The following FRMD3 variants were observed in gnomAD, a reference collection of about 807,000 sequenced individuals.
FRMD3 encodes the protein FERM domain-containing protein 3.
In FRMD3, 33 loss-of-function variants were observed where a neutral mutation model predicts 70.2. The observed-to-expected ratio is 0.47, with a 90% CI of 0.36 to 0.63. The LOEUF (loss-of-function observed/expected upper bound fraction) is 0.63, where lower values mean the gene tolerates loss of function less well. Among genes scored for constraint, FRMD3 ranks in the 20% least tolerant of loss-of-function variants. FRMD3 has a pLI of 0.00. For missense variants in FRMD3, 632 were observed against 711.4 expected, an observed-to-expected ratio of 0.89 and a Z score of 1.27; for synonymous variants, 279 against 255.9, an observed-to-expected ratio of 1.09 and a Z score of -0.86.
At chr9:83,439,020 G>A (rs139089231) in intron 1 of FRMD3, among the ~76,000 whole-genome samples, 2 of 152,314 alleles carry the variant, frequency 1.3e-5, no homozygotes, top group East Asian at 1.9e-4. Flanking sequence ...CCCATGTGAA[G>A]TTCCTTTAAA....
intron 1 of FRMD3, among the ~76,000 whole-genome samples, chr9:83,438,047 C>G (rs1827186987): frequency 6.6e-6 from 1 of 152,258 alleles, no homozygotes; most frequent in South Asian, 2.1e-4. Context: ...TATAAGCAGA[C>G]TCCCAGGGAG....
chr9:83,532,777 T>C (rs1430581441), intron 1 of FRMD3, among the ~76,000 whole-genome samples: 2 of 150,498 alleles, frequency 1.3e-5, no homozygotes, highest in African/African-American at 4.9e-5. Flanking sequence ...GCCAATGGAA[T>C]CTGATGGGAA....
At chr9:83,372,793 C>T in intron 3 of FRMD3, 120 bp downstream of exon 3, 1 of 889,268 alleles carries the variant, frequency 1.1e-6, no homozygotes, top group Non-Finnish European at 1.8e-6. Flanking sequence ...GAGAGAAGCC[C>T]CCACACCCCC....
chr9:83,247,578 A>G lies in FRMD3; in HGVS notation c.*340T>C, dbSNP rs1320045762. The G allele has an allele frequency of 9.7e-7, 1 of 1,025,880 alleles. No individual in the cohort carries two copies. Among genetic ancestry groups the G allele is most frequent in the Non-Finnish European group, 1.2e-6 (1 of 854,318 alleles). 63.5% of individuals were successfully genotyped at this position (1,025,880 alleles called of 1,614,324 possible). ...ATTCTGATTCTGAACCTTATAGCTT[A>G]TAATGGTGCCAACTATTAGAAATGG... is the stretch of plus-strand genomic sequence containing the variant. On this transcript the variant is annotated 3_prime_UTR_variant, in exon 14 of 14. Coordinates refer to ENST00000304195, the MANE Select transcript of FRMD3 (RefSeq NM_174938.6).
At chr9:83,314,482 A>G (rs1294470644) in intron 6 of FRMD3, among the ~76,000 whole-genome samples, 1 of 152,252 alleles carries the variant, frequency 6.6e-6, no homozygotes, top group Non-Finnish European at 1.5e-5. Context: ...CAGAGAAAAC[A>G]ACAGGAATTC....
intron 1 of FRMD3, among the ~76,000 whole-genome samples, chr9:83,407,876 CTT>C (rs1491462300): frequency 2.0e-3 from 155 of 76,998 alleles, no homozygotes; most frequent in African/African-American, 8.1e-3. Context: ...TCTCTCTCAT[CTT>C]TCTCTCTCTC....
chr9:83,535,512 A>G (rs1353594839), intron 1 of FRMD3, among the ~76,000 whole-genome samples: 1 of 152,128 alleles, frequency 6.6e-6, no homozygotes, highest in Admixed American at 6.5e-5. Context: ...TGCTCCTCCT[A>G]CAGAGCCTCT....
chr9:83,562,202 T>C, the FRMD3 span, among the ~76,000 whole-genome samples: 1 of 152,208 alleles, frequency 6.6e-6, no homozygotes, highest in Non-Finnish European at 1.5e-5. Flanking sequence ...ACCCAGAAGA[T>C]AGAAGATCTC....
the FRMD3 span, among the ~76,000 whole-genome samples, chr9:83,550,687 AGTGTGTGTGTGTGT>A: frequency 2.2e-5 from 3 of 138,868 alleles, no homozygotes; most frequent in African/African-American, 5.4e-5. Flanking sequence ...AGTCCTAGGT[AGTGTGTGTGTGTGT>A]GTGTGTGTGT....
At chr9:83,572,686 C>T in the FRMD3 span, among the ~76,000 whole-genome samples, 2 of 152,138 alleles carry the variant, frequency 1.3e-5, no homozygotes, top group Non-Finnish European at 2.9e-5. Context: ...GCATGTGTGG[C>T]TGTGTTTTTC....
chr9:83,254,898 A>G (rs1360800386), intron 13 of FRMD3, among the ~76,000 whole-genome samples: 1 of 152,174 alleles, frequency 6.6e-6, no homozygotes, highest in Non-Finnish European at 1.5e-5. Flanking sequence ...CTACCAATAT[A>G]AAAAAGCCCA....
At chr9:83,321,791 T>C (rs948634868) in intron 6 of FRMD3, among the ~76,000 whole-genome samples, 6 of 152,222 alleles carry the variant, frequency 3.9e-5, no homozygotes, top group Non-Finnish European at 1.5e-5. Context: ...CTTCCCACTA[T>C]TGTTGTATTT....
In FRMD3 at chr9:83,246,613, C is replaced by A. The variant is rs1832110525; in HGVS notation, c.*1305G>T. The A allele has an allele frequency of 1.0e-6, 1 of 984,676 alleles. No individual in the cohort carries two copies. Among genetic ancestry groups the A allele is most frequent in the African/African-American group, 1.7e-5 (1 of 57,152 alleles). The allele number at this position is 984,676 out of a possible 1,614,324, so 61.0% of individuals were successfully genotyped here. A position where few individuals can be genotyped will look rare whatever the true frequency, so the allele number is the denominator to read the frequency against. On this transcript the variant is annotated 3_prime_UTR_variant, in exon 14 of 14. Coordinates refer to ENST00000304195, the MANE Select transcript of FRMD3 (RefSeq NM_174938.6). ...TATAATGACCACCGCAAAACATGAT[C>A]ATGGACATGTATCAAAAAGCCATTC...
At chr9:83,486,751 C>T (rs1828698566) in intron 1 of FRMD3, among the ~76,000 whole-genome samples, 1 of 152,166 alleles carries the variant, frequency 6.6e-6, no homozygotes, top group Non-Finnish European at 1.5e-5. Context: ...ATTTCTAAGC[C>T]ATGAAAATGT....
intron 1 of FRMD3, among the ~76,000 whole-genome samples, chr9:83,437,574 G>A (rs1159407845): frequency 1.3e-5 from 2 of 152,090 alleles, no homozygotes; most frequent in Admixed American, 1.3e-4. Flanking sequence ...ATATCACGAA[G>A]CCTAGGAAGG....
At chr9:83,350,895 G>T in intron 3 of FRMD3, 2 of 449,612 alleles carry the variant, frequency 4.4e-6, no homozygotes, top group Non-Finnish European at 5.9e-6. Context: ...GCATACCAGT[G>T]TAGTGAGATG....
intron 13 of FRMD3, chr9:83,281,725 T>C (rs949308608): frequency 2.0e-5 from 3 of 152,238 alleles, no homozygotes; most frequent in Non-Finnish European, 4.4e-5. Flanking sequence ...GGGAGCGAGC[T>C]TCCTGTGGGA....
At position 83,294,526 on chromosome 9, in the gene FRMD3, C is replaced by T. The variant is rs12352816; in HGVS notation, c.1071-3799G>A. On this transcript the variant is annotated intron_variant, in intron 12 of 13. Coordinates refer to ENST00000304195, the MANE Select transcript of FRMD3 (RefSeq NM_174938.6). ...TTGAACTAATGACAAATATAATACG[C>T]AAATTTGAATGGCTATCTTCTTTTC... Among the ~76,000 whole-genome samples, 1,508 of 152,282 alleles carry T rather than the reference C, an allele frequency of 9.9e-3. 25 individuals are homozygous for T. The highest frequency in any genetic ancestry group is 0.033 in the African/African-American group (1,368 of 41,560).
intron 3 of FRMD3, among the ~76,000 whole-genome samples, chr9:83,355,359 T>C (rs138901075): frequency 6.6e-6 from 1 of 152,326 alleles, no homozygotes; most frequent in African/African-American, 2.4e-5. Context: ...GAACAGCCAC[T>C]GTGCATCTTT....
Sources: gnomAD v4.1 joint callset for allele counts (sites outside exome capture counted in the v4.1 genomes callset) on GRCh38, gnomAD v4.1.1 for gene constraint, MANE v1.5 for transcripts, NCBI Gene and HGNC (gene_info 2026-07-23, HGNC 2026-07-21) for gene names.